The following ZNF169 variants were observed in gnomAD, a reference collection of about 807,000 sequenced individuals.
ZNF169 encodes zinc finger protein 169.
Under a neutral mutation model 12.0 loss-of-function variants are expected in ZNF169, and 11 were observed. The observed-to-expected ratio is 0.92, with a 90% CI of 0.58 to 1.52. ZNF169 has a LOEUF of 1.52. ZNF169 is among the 40% of genes most tolerant of loss of function. The pLI is 0.00. For synonymous variants in ZNF169, 302 were observed against 286.5 expected (o/e 1.05, Z -0.55); for missense variants, 722 against 744.0 (o/e 0.97, Z 0.34).
At chr9:94,285,301 A>G (rs1830703652) in intron 2 of ZNF169, among the ~76,000 whole-genome samples, 1 of 152,336 alleles carries the variant, frequency 6.6e-6, no homozygotes, top group South Asian at 2.1e-4. Flanking sequence ...TACGGGATAG[A>G]CTTACCAGTA....
At chr9:94,278,674 A>C in intron 1 of ZNF169, 84 bp from the exon 2 acceptor site, 1 of 701,228 alleles carries the variant, frequency 1.4e-6, no homozygotes, top group Non-Finnish European at 2.4e-6. Context: ...CTGTTCCTCT[A>C]CTCCCTACTG....
chr9:94,269,515 G>A (rs1036725067), intron 1 of ZNF169, among the ~76,000 whole-genome samples: 1 of 152,170 alleles, frequency 6.6e-6, no homozygotes, highest in Non-Finnish European at 1.5e-5. Flanking sequence ...GAATCCTCCT[G>A]AAGACTGTCT....
intron 2 of ZNF169, among the ~76,000 whole-genome samples, chr9:94,292,136 C>T (rs1008407573): frequency 2.0e-5 from 3 of 152,176 alleles, no homozygotes; most frequent in African/African-American, 7.2e-5. Context: ...CAACAGAGAG[C>T]CCAGAAATAG....
At chr9:94,267,026 A>G (rs896480085) in intron 1 of ZNF169, among the ~76,000 whole-genome samples, 1 of 151,358 alleles carries the variant, frequency 6.6e-6, no homozygotes, top group Non-Finnish European at 1.5e-5. Flanking sequence ...CTCCTGCCTC[A>G]GCCTTCCGAG....
At chr9:94,273,745 A>G (rs568980949) in intron 1 of ZNF169, among the ~76,000 whole-genome samples, 16 of 151,830 alleles carry the variant, frequency 1.1e-4, no homozygotes, top group Non-Finnish European at 2.2e-4. Context: ...AGGCCCAGCT[A>G]ATTTTTTGTA....
At chr9:94,287,294 T>C (rs956882446) in intron 2 of ZNF169, among the ~76,000 whole-genome samples, 2 of 152,196 alleles carry the variant, frequency 1.3e-5, no homozygotes, top group African/African-American at 4.8e-5. Context: ...TTAGCAATAC[T>C]TGCATCCCAG....
In ZNF169 at chr9:94,300,788, C is replaced by T; in HGVS notation, c.1230C>T (p.Ser410=). The change falls in exon 5 of 5, where the codon AGC becomes AGT. Residue 410 remains serine, a synonymous_variant. Transcript: ENST00000395395. ...KPYVCAECGH[S]FRQKVTLIRH... The stretch of plus-strand genomic sequence containing the variant: ...ATGTCTGTGCTGAGTGTGGGCACAG[C>T]TTTCGCCAAAAGGTCACTCTCATCA... The T allele has an allele frequency of 6.2e-7, 1 of 1,614,000 alleles. No homozygotes were observed. The highest frequency in any genetic ancestry group is 1.3e-5 in the African/African-American group (1 of 74,982).
chr9:94,285,298 T>C (rs1198354968), intron 2 of ZNF169, among the ~76,000 whole-genome samples: 1 of 152,134 alleles, frequency 6.6e-6, no homozygotes, highest in African/African-American at 2.4e-5. Context: ...AGCTACGGGA[T>C]AGACTTACCA....
intron 4 of ZNF169, chr9:94,293,426 A>T (rs577038445): frequency 3.2e-5 from 18 of 570,196 alleles, no homozygotes; most frequent in South Asian, 4.4e-5. Context: ...TTTTATTTTT[A>T]TTTTTTTTGA....
In ZNF169 at chr9:94,300,657, TCA is replaced by T; in HGVS notation, c.1106_1107del (p.Thr369ArgfsTer9). The T allele has an allele frequency of 6.2e-7, 1 of 1,612,788 alleles. No individual in the cohort carries two copies. Among genetic ancestry groups the T allele is most frequent in the Non-Finnish European group, 8.5e-7 (1 of 1,179,654 alleles). On this transcript the variant is annotated frameshift_variant, in exon 5 of 5. Coordinates refer to ENST00000395395, the MANE Select transcript of ZNF169 (RefSeq NM_194320.4). LOFTEE classifies it low-confidence loss of function (END_TRUNC). Reference sequence around the variant, plus strand: ...GGCATCACTCCTCCAGCACCAGAGCTCACACACAGGGGAGAGGCCCTTCCTGT... The same window carrying T: ...GGCATCACTCCTCCAGCACCAGAGCTCACACAGGGGAGAGGCCCTTCCTGT... ...QKASLLQHQSSHTGERPFLCL... is the reference protein window; with the variant it reads ...QKASLLQHQSXHTGERPFLCL...
Position 94,300,393 on chromosome 9 carries a change from A to G in ZNF169, c.835A>G (p.Ile279Val). Residue 279 changes from isoleucine to valine, a missense_variant, in exon 5 of 5, where the codon ATA becomes GTA. Ile to Val is a conservative substitution (Grantham distance 29). Transcript: ENST00000395395. ...GTTTAGCCAGAAGGCCTCCCTCTCC[A>G]TACACCAGAGGAAGCACTCGGGGGA... ...RRFSQKASLS[I>V]HQRKHSGEKP... 3 of 1,612,960 alleles carry G rather than the reference A, an allele frequency of 1.9e-6. No homozygotes were observed. Among genetic ancestry groups the G allele is most frequent in the East Asian group, 2.2e-5 (1 of 44,786 alleles).
chr9:94,299,500 T>C (rs1176901052), intron 4 of ZNF169: 1 of 1,272,096 alleles, frequency 7.9e-7, no homozygotes, highest in East Asian at 2.9e-5. Context: ...AACAAATGTT[T>C]CTCAGGCAAG....
intron 1 of ZNF169, among the ~76,000 whole-genome samples, chr9:94,262,217 G>C (rs1304677873): frequency 3.3e-5 from 5 of 152,162 alleles, no homozygotes; most frequent in Admixed American, 3.3e-4. Flanking sequence ...ATGGGTCACT[G>C]ACACAGTGCT....
rs566725876 is a variant in ZNF169, at chr9:94,274,009, A to C, written c.-55-4749A>C. Among the ~76,000 whole-genome samples the C allele has an allele frequency of 2.7e-4, 41 of 152,350 alleles. 2 individuals are homozygous for C. The South Asian group carries it at 7.5e-3, about 28-fold the overall frequency. ...AATTTTTTCTTCATAATTCTGGAAG[A>C]TAGAAGTCCAAGATCAAGGTTTCGG... On this transcript the variant is annotated intron_variant, in intron 1 of 4. Coordinates refer to ENST00000395395, the MANE Select transcript of ZNF169 (RefSeq NM_194320.4).
chr9:94,268,917 A>T (rs566749376), intron 1 of ZNF169, among the ~76,000 whole-genome samples: 6 of 152,238 alleles, frequency 3.9e-5, no homozygotes, highest in Admixed American at 6.5e-5. Flanking sequence ...AGAGAAGAAA[A>T]AACTTTTGCT....
intron 4 of ZNF169, chr9:94,295,558 C>G (rs1334202590): frequency 1.3e-5 from 2 of 152,160 alleles, no homozygotes; most frequent in African/African-American, 4.8e-5. Flanking sequence ...ACCTCCCACT[C>G]CTTCCTGTCC....
Position 94,299,860 on chromosome 9 carries a change from T to C in ZNF169, c.302T>C (p.Phe101Ser), listed in dbSNP as rs1357057850. 1 of 1,613,918 alleles carries C rather than the reference T, an allele frequency of 6.2e-7. No individual in the cohort carries two copies. The highest frequency in any genetic ancestry group is 8.5e-7 in the Non-Finnish European group (1 of 1,179,968). The change falls in exon 5 of 5, where the codon TTT becomes TCT. Residue 101 changes from phenylalanine (F) to serine (S), a missense_variant. Physicochemically the swap from Phe to Ser is radical, Grantham distance 155. Coordinates refer to ENST00000395395, the MANE Select transcript of ZNF169 (RefSeq NM_194320.4). ...CCAAGTTTTCCCCACCTGGTGGCCT[T>C]TTCTAGCTCGCAGCTCCTCAGACAA... ...FQPSFPHLVA[F>S]SSSQLLRQYA...
At chr9:94,275,237 CA>C (rs1830499283) in intron 1 of ZNF169, among the ~76,000 whole-genome samples, 1 of 152,076 alleles carries the variant, frequency 6.6e-6, no homozygotes, top group Admixed American at 6.6e-5. Flanking sequence ...CACTGTCTCT[CA>C]AAAAGTAAAT....
At chr9:94,292,834 A>T in intron 3 of ZNF169, 140 bp from the exon 4 acceptor site, 1 of 690,590 alleles carries the variant, frequency 1.4e-6, no homozygotes, top group Non-Finnish European at 2.5e-6. Context: ...CTTTCTTAGC[A>T]TTCAGACATA....
Sources: gnomAD v4.1 joint callset for allele counts (sites outside exome capture counted in the v4.1 genomes callset) on GRCh38, gnomAD v4.1.1 for gene constraint, MANE v1.5 for transcripts, NCBI Gene and HGNC (gene_info 2026-07-23, HGNC 2026-07-21) for gene names.